NYAP2: variants seen among roughly 807,000 people sequenced by gnomAD.
NYAP2 encodes the protein neuronal tyrosine-phosphorylated phosphoinositide-3-kinase adaptor 2.
Under a neutral mutation model 50.4 loss-of-function variants are expected in NYAP2, and 23 were observed. That is an observed-to-expected ratio of 0.46 (90% confidence interval 0.33 to 0.65). The LOEUF (loss-of-function observed/expected upper bound fraction) is 0.65. Ranked by LOEUF, NYAP2 falls within the 30% of genes least tolerant of loss-of-function variation. NYAP2 has a pLI of 0.02. For missense variants in NYAP2, 885 were observed against 861.0 expected (o/e 1.03, Z -0.35); for synonymous variants, 394 against 365.2 (o/e 1.08, Z -0.90).
intron 6 of NYAP2, among the ~76,000 whole-genome samples, chr2:225,629,116 A>G (rs1028887752): frequency 6.6e-6 from 1 of 152,228 alleles, no homozygotes; most frequent in African/African-American, 2.4e-5. Context: ...AAAATAGCAG[A>G]GTTCTAGTCC....
chr2:225,673,167 C>T, the NYAP2 span, among the ~76,000 whole-genome samples: 21 of 151,980 alleles, frequency 1.4e-4, no homozygotes, highest in Admixed American at 1.4e-3. Context: ...CTTATGGAAC[C>T]ATCGGACCTG....
chr2:225,672,280 C>G, the NYAP2 span, among the ~76,000 whole-genome samples: 2 of 152,124 alleles, frequency 1.3e-5, no homozygotes, highest in Non-Finnish European at 2.9e-5. Context: ...GGATAACTTA[C>G]TGCTTCACCT....
chr2:225,582,559 C>T lies in NYAP2; in HGVS notation c.1142C>T (p.Ser381Phe), dbSNP rs775433682. Residue 381 changes from serine (S) to phenylalanine (F), a missense_variant, in exon 5 of 7, where the codon TCC (serine) becomes TTC (phenylalanine). Ser to Phe is a radical substitution (Grantham distance 155). Coordinates refer to ENST00000636099, the Ensembl canonical transcript of NYAP2. This position sits in a 1 kb window ranked among gnomAD's most constrained non-coding sequence, Gnocchi z 7.0. ...AAACAGCCAGCCGGGGCGTCGCCCT[C>T]CACGCTGCCGTCCCACGTCCCCGGC... The T allele has an allele frequency of 4.4e-6, 7 of 1,586,758 alleles. No homozygotes were observed. Among genetic ancestry groups the T allele is most frequent in the Non-Finnish European group, 6.0e-6 (7 of 1,167,108 alleles).
intron 6 of NYAP2, 104 bp downstream of exon 6, chr2:225,627,230 C>A (rs979321842): frequency 2.3e-6 from 2 of 874,236 alleles, no homozygotes; most frequent in Non-Finnish European, 3.7e-6. Context: ...TCTCTGTCTG[C>A]ACACAGAGAG....
intron 3 of NYAP2, among the ~76,000 whole-genome samples, chr2:225,504,417 T>C (rs899423981): frequency 6.6e-6 from 1 of 152,076 alleles, no homozygotes. Flanking sequence ...TTTCAACACA[T>C]GAATTTGGGG....
At chr2:225,506,457 A>G (rs1690708690) in intron 3 of NYAP2, among the ~76,000 whole-genome samples, 1 of 152,214 alleles carries the variant, frequency 6.6e-6, no homozygotes, top group Non-Finnish European at 1.5e-5. Context: ...ATTCCTTGTC[A>G]AACAGGAAGA....
intron 4 of NYAP2, among the ~76,000 whole-genome samples, chr2:225,576,776 AGGGTGT>A (rs1401427570): frequency 6.6e-6 from 1 of 152,164 alleles, no homozygotes; most frequent in African/African-American, 2.4e-5. Flanking sequence ...TTTGTTTCAA[AGGGTGT>A]GGAATTAAAT....
At chr2:225,595,307 T>C (rs1228226100) in intron 5 of NYAP2, among the ~76,000 whole-genome samples, 1 of 152,194 alleles carries the variant, frequency 6.6e-6, no homozygotes, top group East Asian at 1.9e-4. Context: ...ATAATTCTAA[T>C]GCATCTTTTT....
chr2:225,598,442 A>T (rs1692643029), intron 5 of NYAP2, among the ~76,000 whole-genome samples: 1 of 152,234 alleles, frequency 6.6e-6, no homozygotes, highest in Non-Finnish European at 1.5e-5. Flanking sequence ...AATAATTAGT[A>T]TGTGGATGGA....
chr2:225,696,420 A>AC, the NYAP2 span, among the ~76,000 whole-genome samples: 18 of 152,088 alleles, frequency 1.2e-4, no homozygotes, highest in Middle Eastern at 3.4e-3. Context: ...TTTTAAAATG[A>AC]ATTGACCTTC....
intron 3 of NYAP2, among the ~76,000 whole-genome samples, chr2:225,488,946 G>A (rs930776685): frequency 3.1e-4 from 47 of 152,152 alleles, no homozygotes; most frequent in African/African-American, 1.1e-3. Context: ...AGGGAAGTGT[G>A]CCACCCAGGT....
intron 4 of NYAP2, among the ~76,000 whole-genome samples, chr2:225,562,133 T>C (rs1036973787): frequency 2.6e-5 from 4 of 152,184 alleles, no homozygotes; most frequent in African/African-American, 9.7e-5. Flanking sequence ...GAGTCTCACT[T>C]GCTGGTAAAT....
At chr2:225,500,952 A>G (rs1690594513) in intron 3 of NYAP2, among the ~76,000 whole-genome samples, 1 of 152,236 alleles carries the variant, frequency 6.6e-6, no homozygotes, top group Non-Finnish European at 1.5e-5. Context: ...ACCCTAAAAC[A>G]GAAAAAGAGG....
chr2:225,425,529 T>A lies in NYAP2; in HGVS notation c.221+16428T>A, dbSNP rs1227354260. ...TGGCTAATTTCATGCTGCAATTAAA[T>A]TCTTGACACACACTTGGAATGGGAA... On this transcript the variant is annotated intron_variant, in intron 3 of 6. Transcript: ENST00000636099. Among the ~76,000 whole-genome samples, 3 of 152,210 alleles carry A rather than the reference T, an allele frequency of 2.0e-5. No individual in the cohort carries two copies. In the South Asian group the frequency reaches 6.2e-4, roughly 32 times the overall value.
chr2:225,587,978 G>T (rs190354087), intron 5 of NYAP2, among the ~76,000 whole-genome samples: 2 of 152,088 alleles, frequency 1.3e-5, no homozygotes, highest in African/African-American at 2.4e-5. Context: ...ATGCTGGAGT[G>T]CAGTGGTGCA....
intron 3 of NYAP2, among the ~76,000 whole-genome samples, chr2:225,465,030 G>A (rs1420255947): frequency 6.6e-6 from 1 of 152,102 alleles, no homozygotes; most frequent in Non-Finnish European, 1.5e-5. Flanking sequence ...CTTTTCTATG[G>A]TACAAACTTA....
chr2:225,490,878 TA>T (rs1313358451), intron 3 of NYAP2, among the ~76,000 whole-genome samples: 1 of 152,224 alleles, frequency 6.6e-6, no homozygotes, highest in African/African-American at 2.4e-5. Context: ...TCATGACTGT[TA>T]AAAGATGTTG....
At chr2:225,580,260 A>C (rs1328457033) in intron 4 of NYAP2, among the ~76,000 whole-genome samples, 1 of 152,214 alleles carries the variant, frequency 6.6e-6, no homozygotes, top group African/African-American at 2.4e-5. Context: ...TTTTGTATAT[A>C]ATCTGATGAC....
chr2:225,628,693 C>T (rs1374237951), intron 6 of NYAP2, among the ~76,000 whole-genome samples: 2 of 151,982 alleles, frequency 1.3e-5, no homozygotes, highest in Non-Finnish European at 2.9e-5. Flanking sequence ...TTAATTGAGT[C>T]TTATGATTAG....
Sources: allele counts gnomAD v4.1 joint callset (sites outside exome capture counted in the v4.1 genomes callset), GRCh38; gene constraint gnomAD v4.1.1; non-coding constraint Gnocchi (gnomAD v3.1); transcripts MANE v1.5; gene names NCBI Gene and HGNC (gene_info 2026-07-23, HGNC 2026-07-21).